The following FANCL variants were observed in gnomAD, a reference collection of about 807,000 sequenced individuals.
FANCL encodes FA complementation group L.
FANCL carries 69 observed loss-of-function variants against 59.4 expected under a neutral mutation model. That is an observed-to-expected ratio of 1.16 (90% CI 0.96 to 1.42). The LOEUF (loss-of-function observed/expected upper bound fraction) is 1.42. Ranked by LOEUF, FANCL falls within the 40% of genes most tolerant of loss-of-function variation. The probability of loss-of-function intolerance (pLI) is 0.00; values close to 1 mark genes in which losing one functional copy is unlikely to be tolerated. For missense variants in FANCL, 519 were observed against 447.2 expected, an observed-to-expected ratio of 1.16 and a Z score of -1.45; for synonymous variants, 180 against 147.1, an observed-to-expected ratio of 1.22 and a Z score of -1.62.
At chr2:58,235,633 G>A (rs1013011429) in intron 1 of FANCL, among the ~76,000 whole-genome samples, 1 of 151,892 alleles carries the variant, frequency 6.6e-6, no homozygotes, top group Non-Finnish European at 1.5e-5. Flanking sequence ...GATATACCAA[G>A]CACATATATT....
intron 5 of FANCL, among the ~76,000 whole-genome samples, chr2:58,212,149 T>G (rs948821601): frequency 3.3e-5 from 5 of 152,190 alleles, no homozygotes; most frequent in African/African-American, 1.2e-4. Flanking sequence ...GGACTTACAG[T>G]TCCACATGGC....
At chr2:58,185,803 A>G (rs1426787069) in intron 7 of FANCL, among the ~76,000 whole-genome samples, 1 of 152,182 alleles carries the variant, frequency 6.6e-6, no homozygotes, top group African/African-American at 2.4e-5. Flanking sequence ...ATAAACAAAA[A>G]TTCTGTTAGT....
rs962052040 is a variant in FANCL, at chr2:58,213,846, G to A, written c.374+8096C>T. The A allele has an allele frequency of 4.6e-5, 7 of 152,022 alleles. No homozygotes were observed. In the South Asian group the frequency reaches 6.2e-4, roughly 14 times the overall value. The allele number at this position is 152,022 out of a possible 1,614,324, so 9.4% of individuals were successfully genotyped here. The stretch of plus-strand genomic sequence containing the variant: ...CAAGGGTGTGTTAATTTTGCAAATC[G>A]TCCATTTTATTCGTGGTAAGATACT... On this transcript the variant is annotated intron_variant, in intron 5 of 13. Transcript: ENST00000233741.
At chr2:58,168,783 T>A (rs1442499819) in intron 7 of FANCL, among the ~76,000 whole-genome samples, 1 of 152,074 alleles carries the variant, frequency 6.6e-6, no homozygotes, top group Non-Finnish European at 1.5e-5. Flanking sequence ...CCACCATTAC[T>A]GAGGCTTGAG....
chr2:58,240,326 G>C (rs1426260682), intron 1 of FANCL, among the ~76,000 whole-genome samples: 4 of 152,172 alleles, frequency 2.6e-5, no homozygotes, highest in Non-Finnish European at 4.4e-5. Context: ...GACTATGCGT[G>C]ATGGTGGGGA....
At chr2:58,208,174 A>G (rs1690780432) in intron 5 of FANCL, among the ~76,000 whole-genome samples, 1 of 152,194 alleles carries the variant, frequency 6.6e-6, no homozygotes, top group Non-Finnish European at 1.5e-5. Context: ...TTAGGAAACA[A>G]TCATCATTGG....
At chr2:58,241,061 C>G (rs1270554442) in intron 1 of FANCL, among the ~76,000 whole-genome samples, 157 bp downstream of exon 1, 1 of 152,214 alleles carries the variant, frequency 6.6e-6, no homozygotes, top group Admixed American at 6.5e-5. Context: ...GCGACAGCGG[C>G]GCTTCTCAAA....
chr2:58,194,634 C>G (rs528491121), intron 7 of FANCL, among the ~76,000 whole-genome samples: 1 of 152,160 alleles, frequency 6.6e-6, no homozygotes, highest in South Asian at 2.1e-4. Context: ...TCTTACTACT[C>G]TAAATGTCTC....
At chr2:58,197,384 C>T (rs2105090952) in intron 7 of FANCL, among the ~76,000 whole-genome samples, 1 of 152,086 alleles carries the variant, frequency 6.6e-6, no homozygotes, top group East Asian at 1.9e-4. Context: ...GAGTAGCCTC[C>T]ATTTACGGAA....
chr2:58,172,569 C>T (rs1221808564), intron 7 of FANCL, among the ~76,000 whole-genome samples: 1 of 152,158 alleles, frequency 6.6e-6, no homozygotes, highest in East Asian at 1.9e-4. Flanking sequence ...TGTTTGTTAA[C>T]AGAAAGGACT....
intron 7 of FANCL, among the ~76,000 whole-genome samples, chr2:58,193,922 T>C (rs62140040): frequency 0.053 from 8,078 of 152,226 alleles, 315 homozygotes; most frequent in African/African-American, 0.099. Flanking sequence ...AATTAATGAC[T>C]GAATTGTAAA....
intron 5 of FANCL, among the ~76,000 whole-genome samples, chr2:58,216,698 T>C (rs148106268): frequency 5.3e-4 from 81 of 152,136 alleles, no homozygotes; most frequent in African/African-American, 1.8e-3. Flanking sequence ...CAATAAACCA[T>C]ACACAAAAAA....
intron 7 of FANCL, among the ~76,000 whole-genome samples, chr2:58,166,148 A>G (rs1685932822): frequency 2.5e-5 from 2 of 80,482 alleles, no homozygotes; most frequent in Admixed American, 1.2e-4. Flanking sequence ...TACTACACGT[A>G]TGCAATAGTA....
At chr2:58,162,290 CACTT>C (rs572749995) in intron 11 of FANCL, among the ~76,000 whole-genome samples, 3 of 152,046 alleles carry the variant, frequency 2.0e-5, no homozygotes, top group South Asian at 2.1e-4. Flanking sequence ...GCTTCACAAA[CACTT>C]ACATCAAGCT....
intron 5 of FANCL, among the ~76,000 whole-genome samples, chr2:58,206,031 A>G (rs1162365017): frequency 6.6e-6 from 1 of 152,120 alleles, no homozygotes; most frequent in Non-Finnish European, 1.5e-5. Flanking sequence ...TATAGAGACT[A>G]ATGTAAATAT....
intron 7 of FANCL, among the ~76,000 whole-genome samples, chr2:58,197,031 GA>G (rs932978576): frequency 9.7e-4 from 143 of 148,124 alleles, no homozygotes; most frequent in African/African-American, 3.1e-3. Context: ...TTCTTTAATA[GA>G]AAAAAAAATC....
At chr2:58,177,405 G>A (rs1687447160) in intron 7 of FANCL, among the ~76,000 whole-genome samples, 1 of 152,010 alleles carries the variant, frequency 6.6e-6, no homozygotes, top group Non-Finnish European at 1.5e-5. Flanking sequence ...TGATAGACTG[G>A]ATTAAGAAAA....
At chr2:58,203,991 G>C in intron 6 of FANCL, 139 bp downstream of exon 6, 2 of 742,394 alleles carry the variant, frequency 2.7e-6, no homozygotes, top group South Asian at 3.0e-5. Context: ...AATTCTTTGA[G>C]GCTTTCCAAA....
intron 5 of FANCL, among the ~76,000 whole-genome samples, chr2:58,210,090 T>G (rs1690981844): frequency 6.6e-6 from 1 of 152,200 alleles, no homozygotes; most frequent in Admixed American, 6.5e-5. Context: ...TCAGCACATT[T>G]CTACTAGAAC....
Sources: gnomAD v4.1 joint callset for allele counts (sites outside exome capture counted in the v4.1 genomes callset) on GRCh38, gnomAD v4.1.1 for gene constraint, MANE v1.5 for transcripts, NCBI Gene and HGNC (gene_info 2026-07-23, HGNC 2026-07-21) for gene names.